PCDHGA1: variants seen among roughly 807,000 people sequenced by gnomAD.
PCDHGA1 encodes protocadherin gamma subfamily A, 1.
PCDHGA1 carries 32 observed loss-of-function variants against 58.0 expected under a neutral mutation model. The ratio of observed to expected loss-of-function variants is 0.55; its 90% CI spans 0.42 to 0.74. The LOEUF is 0.74. Among genes scored for constraint, PCDHGA1 ranks in the 30% least tolerant of loss-of-function variants. The pLI, the probability that PCDHGA1 is intolerant of heterozygous loss-of-function variation, is 0.00. For synonymous variants in PCDHGA1, 498 were observed against 501.1 expected, an observed-to-expected ratio of 0.99 and a Z score of 0.08; for missense variants, 1,205 against 1,182.3, an observed-to-expected ratio of 1.02 and a Z score of -0.28.
chr5:141,419,792 G>A (rs1379811891), intron 1 of PCDHGA1: 1 of 1,614,042 alleles, frequency 6.2e-7, no homozygotes, highest in African/African-American at 1.3e-5. Flanking sequence ...CCTGCTAGTC[G>A]CTGTAAGAGA....
In PCDHGA1 at chr5:141,489,203, C is replaced by A; in HGVS notation, c.2422-5604C>A. On this transcript the variant is annotated intron_variant, in intron 1 of 3. Transcript: ENST00000517417. The surrounding 1 kb of genome is among the most constrained non-coding windows in gnomAD (Gnocchi z 4.5). ...CCCTGGGTCTACCTTGGAGACAGGA[C>A]AGCACAGACTTACTCTCCACAAAGG... is the stretch of plus-strand genomic sequence containing the variant. 7.1e-7 allele frequency: 1 copy of A among 1,414,834 alleles called. No individual in the cohort carries two copies. Among genetic ancestry groups the A allele is most frequent in the Non-Finnish European group, 9.6e-7 (1 of 1,040,052 alleles). The allele number at this position is 1,414,834 out of a possible 1,614,324, so 87.6% of individuals were successfully genotyped here.
At chr5:141,419,146 G>A in intron 1 of PCDHGA1, 1 of 1,613,922 alleles carries the variant, frequency 6.2e-7, no homozygotes, top group Non-Finnish European at 8.5e-7. Context: ...ACAGGGGCAA[G>A]CCTCCGTTAT....
At chr5:141,350,726 G>A in intron 1 of PCDHGA1, 1 of 1,613,956 alleles carries the variant, frequency 6.2e-7, no homozygotes, top group Non-Finnish European at 8.5e-7. Context: ...TTCTGCTCAA[G>A]ATGCAGATGT....
In PCDHGA1 at chr5:141,476,254, T is replaced by C; in HGVS notation, c.2422-18553T>C. 1.2e-6 allele frequency: 2 copies of C among 1,613,820 alleles called. No individual in the cohort carries two copies. Among genetic ancestry groups the C allele is most frequent in the Non-Finnish European group, 8.5e-7 (1 of 1,179,976 alleles). On this transcript the variant is annotated intron_variant, in intron 1 of 3. Transcript: ENST00000517417. The surrounding 1 kb of genome is among the most constrained non-coding windows in gnomAD (Gnocchi z 7.6). ...CGGAGGAAAGAGAGAAGGGTTTCGCTGTGGGCAACGTGGTCGCGAACCTTG... is the reference window on the plus strand; with the variant it reads ...CGGAGGAAAGAGAGAAGGGTTTCGCCGTGGGCAACGTGGTCGCGAACCTTG...
chr5:141,372,221 G>A (rs1229058896), intron 1 of PCDHGA1: 1 of 1,613,398 alleles, frequency 6.2e-7, no homozygotes, highest in African/African-American at 1.3e-5. Context: ...ACCACATTGT[G>A]CAGGCCAGCG....
chr5:141,406,406 C>T (rs976555739), intron 1 of PCDHGA1, among the ~76,000 whole-genome samples: 18 of 152,174 alleles, frequency 1.2e-4, no homozygotes, highest in Non-Finnish European at 1.8e-4. Context: ...CTTAGAGAAA[C>T]AGCTGAAAGC....
intron 3 of PCDHGA1, 78 bp from the exon 4 acceptor site, chr5:141,510,869 T>C: frequency 9.3e-6 from 15 of 1,608,708 alleles, no homozygotes; most frequent in Non-Finnish European, 1.3e-5. Flanking sequence ...AGGCATTCAT[T>C]AACTGCTGGG....
chr5:141,490,232 A>G lies in PCDHGA1; in HGVS notation c.2422-4575A>G. 6.2e-7 allele frequency: 1 copy of G among 1,614,216 alleles called. No homozygotes were observed. Among genetic ancestry groups the G allele is most frequent in the Non-Finnish European group, 8.5e-7 (1 of 1,180,032 alleles). ...CGTGACCAGGGACAGCCTGCCATGG[A>G]GGGCCACTGTGTGATTCAAGTGGAT... On this transcript the variant is annotated intron_variant, in intron 1 of 3. Transcript: ENST00000517417. This position sits in a 1 kb window ranked among gnomAD's most constrained non-coding sequence, Gnocchi z 5.4.
chr5:141,409,200 T>C, intron 1 of PCDHGA1: 2 of 1,614,020 alleles, frequency 1.2e-6, no homozygotes, highest in Non-Finnish European at 1.7e-6. Flanking sequence ...CAGTGTAAAG[T>C]AATCATAGAA....
chr5:141,419,494 T>A, intron 1 of PCDHGA1: 1 of 1,612,380 alleles, frequency 6.2e-7, no homozygotes, highest in Non-Finnish European at 8.5e-7. Context: ...TCAGCGCCAA[T>A]GTGAGCCTGC....
Position 141,477,741 on chromosome 5 carries a change from G to A in PCDHGA1, c.2422-17066G>A, listed in dbSNP as rs1438249932. On this transcript the variant is annotated intron_variant, in intron 1 of 3. Transcript: ENST00000517417. The surrounding 1 kb of genome is among the most constrained non-coding windows in gnomAD (Gnocchi z 4.9). ...GAATTAACAGCTCATATCAGCGATG[G>A]GGGCACCCCGGTCCTAGCCACCAAC... is the stretch of plus-strand genomic sequence containing the variant. 4 of 1,613,802 alleles carry A rather than the reference G, an allele frequency of 2.5e-6. No individual in the cohort carries two copies. The highest frequency in any genetic ancestry group is 1.7e-5 in the Admixed American group (1 of 60,026).
intron 1 of PCDHGA1, chr5:141,410,775 T>A: frequency 1.0e-6 from 1 of 998,978 alleles, no homozygotes. Flanking sequence ...TAGTTTTCAC[T>A]ATGTATTTGG....
intron 1 of PCDHGA1, chr5:141,384,186 T>A: frequency 6.2e-7 from 1 of 1,613,730 alleles, no homozygotes; most frequent in Non-Finnish European, 8.5e-7. Flanking sequence ...ATGGTGGAAC[T>A]CCTCCCTTGT....
intron 1 of PCDHGA1, chr5:141,355,083 G>A: frequency 7.0e-7 from 1 of 1,436,492 alleles, no homozygotes; most frequent in South Asian, 1.5e-5. Flanking sequence ...GCTTCAAGCG[G>A]AAGCCCTGAG....
intron 2 of PCDHGA1, among the ~76,000 whole-genome samples, chr5:141,497,980 G>A (rs983045402): frequency 2.0e-5 from 3 of 152,168 alleles, no homozygotes; most frequent in African/African-American, 7.2e-5. Context: ...GATGTGGGAG[G>A]CCCCTGCCCT....
chr5:141,344,855 T>C (rs916854411), intron 1 of PCDHGA1: 1 of 1,613,880 alleles, frequency 6.2e-7, no homozygotes, highest in African/African-American at 1.3e-5. Context: ...AGGGATTCAA[T>C]GCTCAAGTGT....
At chr5:141,451,352 A>G (rs2098714151) in intron 1 of PCDHGA1, among the ~76,000 whole-genome samples, 1 of 152,232 alleles carries the variant, frequency 6.6e-6, no homozygotes, top group Non-Finnish European at 1.5e-5. Flanking sequence ...AAGGGTCAAC[A>G]GAGGATGGAT....
chr5:141,372,754 G>T, intron 1 of PCDHGA1: 6 of 1,613,022 alleles, frequency 3.7e-6, no homozygotes, highest in African/African-American at 1.3e-5. Context: ...GAAGCCTCTT[G>T]GTTTGAAAGT....
Position 141,383,518 on chromosome 5 carries a change from G to A in PCDHGA1, c.2421+50413G>A, listed in dbSNP as rs1286743255. The A allele has an allele frequency of 2.5e-6, 4 of 1,612,554 alleles. 1 individual carries two copies. The highest frequency in any genetic ancestry group is 2.2e-5 in the South Asian group (2 of 90,928). On this transcript the variant is annotated intron_variant, in intron 1 of 3. Coordinates refer to ENST00000517417, the MANE Select transcript of PCDHGA1 (RefSeq NM_018912.3). The stretch of plus-strand genomic sequence containing the variant: ...GGTGCTGGACCGGGAGGAAGAGCGG[G>A]TTCACCACCTGGTCCTCACAGCCTC...
Sources: allele counts gnomAD v4.1 joint callset (sites outside exome capture counted in the v4.1 genomes callset), GRCh38; gene constraint gnomAD v4.1.1; non-coding constraint Gnocchi (gnomAD v3.1); transcripts MANE v1.5; gene names NCBI Gene and HGNC (gene_info 2026-07-23, HGNC 2026-07-21).